TAFA1: variants seen among roughly 807,000 people sequenced by gnomAD.
TAFA1 encodes the protein chemokine-like protein TAFA-1.
In TAFA1, 4 loss-of-function variants were observed where a neutral mutation model predicts 18.5. That is an observed-to-expected ratio of 0.22 (90% CI 0.11 to 0.49). The LOEUF is 0.49. Ranked by LOEUF, TAFA1 falls within the 20% of genes least tolerant of loss-of-function variation. TAFA1 has a pLI of 0.98. For synonymous variants in TAFA1, 56 were observed against 55.2 expected, an observed-to-expected ratio of 1.01 and a Z score of -0.06; for missense variants, 147 against 169.0, an observed-to-expected ratio of 0.87 and a Z score of 0.72.
chr3:68,148,691 C>G (rs1288137462), intron 2 of TAFA1, among the ~76,000 whole-genome samples: 1 of 152,162 alleles, frequency 6.6e-6, no homozygotes, highest in African/African-American at 2.4e-5. Context: ...CCTCCTGATT[C>G]ATCCTCATCA....
chr3:68,490,816 C>A (rs1250486730), intron 3 of TAFA1, among the ~76,000 whole-genome samples: 2 of 150,692 alleles, frequency 1.3e-5, no homozygotes, highest in Admixed American at 1.3e-4. Context: ...TATTTAGAAT[C>A]CTCTACAATT....
intron 2 of TAFA1, among the ~76,000 whole-genome samples, chr3:68,191,266 C>T (rs1197740180): frequency 2.0e-5 from 3 of 151,786 alleles, no homozygotes; most frequent in East Asian, 3.9e-4. Flanking sequence ...GAATCCTCAA[C>T]AACAAGGCAA....
At chr3:68,069,298 G>A (rs1480026855) in intron 2 of TAFA1, among the ~76,000 whole-genome samples, 3 of 152,222 alleles carry the variant, frequency 2.0e-5, no homozygotes, top group African/African-American at 7.2e-5. Context: ...GGAGGAACAA[G>A]TCACATTTTA....
At chr3:68,410,861 G>C (rs2070702605) in intron 2 of TAFA1, among the ~76,000 whole-genome samples, 1 of 152,160 alleles carries the variant, frequency 6.6e-6, no homozygotes, top group Non-Finnish European at 1.5e-5. Flanking sequence ...CCAAGGAAAA[G>C]TCCGAAAGAT....
At chr3:68,370,494 A>ACACG (rs1270882699) in intron 2 of TAFA1, among the ~76,000 whole-genome samples, 10 of 81,246 alleles carry the variant, frequency 1.2e-4, no homozygotes, top group East Asian at 4.4e-4. Context: ...ATATATATAT[A>ACACG]TATATATATA....
rs1456213837 is a variant in TAFA1 at position 68,420,121 on chromosome 3, A to G, written c.259+2701A>G. ...TATTTGACTCAGTTTCTGTGTCTTA[A>G]TACATTATCTGAGAAGAAAAGATGT... On this transcript the variant is annotated intron_variant, in intron 3 of 4. Transcript: ENST00000478136. 2.0e-5 allele frequency among the ~76,000 whole-genome samples: 3 copies of G among 152,210 alleles called. No homozygotes were observed. In the East Asian group the frequency reaches 5.8e-4, roughly 29 times the overall value.
At chr3:68,075,457 A>G (rs188644895) in intron 2 of TAFA1, among the ~76,000 whole-genome samples, 2 of 152,218 alleles carry the variant, frequency 1.3e-5, no homozygotes, top group African/African-American at 4.8e-5. Context: ...CAGTGGAATT[A>G]TAATGAATTG....
intron 2 of TAFA1, among the ~76,000 whole-genome samples, chr3:68,167,271 A>G (rs2065993060): frequency 1.3e-5 from 2 of 152,214 alleles, no homozygotes; most frequent in South Asian, 2.1e-4. Context: ...CTGCTTCAGA[A>G]TCACTGCATA....
At chr3:68,253,014 T>G (rs922416605) in intron 2 of TAFA1, among the ~76,000 whole-genome samples, 38 of 152,262 alleles carry the variant, frequency 2.5e-4, no homozygotes, top group African/African-American at 8.7e-4. Flanking sequence ...TCCACCATGA[T>G]TGTGAGGCCT....
intron 3 of TAFA1, among the ~76,000 whole-genome samples, chr3:68,476,165 A>G (rs1266087661): frequency 6.6e-6 from 1 of 152,236 alleles, no homozygotes; most frequent in East Asian, 1.9e-4. Context: ...CAAAACTGAC[A>G]AATAGGATCT....
chr3:68,292,418 A>C (rs532178033), intron 2 of TAFA1, among the ~76,000 whole-genome samples: 10 of 113,358 alleles, frequency 8.8e-5, no homozygotes, highest in East Asian at 6.9e-4. Context: ...TGTCAAAAAA[A>C]AAAAACAAAA....
chr3:68,302,014 T>C (rs1270979953), intron 2 of TAFA1, among the ~76,000 whole-genome samples: 1 of 152,232 alleles, frequency 6.6e-6, no homozygotes, highest in Non-Finnish European at 1.5e-5. Flanking sequence ...TTTGTATTAA[T>C]TACTCATTTT....
At chr3:68,318,126 TTTGTC>T (rs1214332028) in intron 2 of TAFA1, among the ~76,000 whole-genome samples, 29 of 152,292 alleles carry the variant, frequency 1.9e-4, no homozygotes, top group African/African-American at 6.5e-4. Context: ...TGCCAACCAG[TTTGTC>T]AGTAAGATAG....
intron 2 of TAFA1, among the ~76,000 whole-genome samples, chr3:68,101,304 ATTT>A (rs201528733): frequency 0.034 from 5,096 of 151,044 alleles, 119 homozygotes; most frequent in Non-Finnish European, 0.054. Flanking sequence ...TATTTTTAAA[ATTT>A]TATTATTATT....
chr3:68,112,697 T>C (rs546996752), intron 2 of TAFA1, among the ~76,000 whole-genome samples: 1 of 152,204 alleles, frequency 6.6e-6, no homozygotes, highest in East Asian at 1.9e-4. Context: ...GATTGACAGA[T>C]GTTAAAATAA....
chr3:68,102,494 G>A (rs115072759), intron 2 of TAFA1, among the ~76,000 whole-genome samples: 33 of 152,158 alleles, frequency 2.2e-4, no homozygotes, highest in Non-Finnish European at 3.7e-4. Flanking sequence ...TGAATTAACC[G>A]TTAAAATGCA....
chr3:68,227,719 A>T (rs2107108351), intron 2 of TAFA1, among the ~76,000 whole-genome samples: 1 of 152,324 alleles, frequency 6.6e-6, no homozygotes, highest in African/African-American at 2.4e-5. Context: ...CTATGGTCAG[A>T]GATATTAACT....
chr3:68,438,342 G>C (rs1329797418), intron 3 of TAFA1, among the ~76,000 whole-genome samples: 1 of 152,146 alleles, frequency 6.6e-6, no homozygotes, highest in Non-Finnish European at 1.5e-5. Context: ...AGGAAACAGA[G>C]TGAGACCTTG....
At chr3:68,305,410 T>C (rs1198617669) in intron 2 of TAFA1, among the ~76,000 whole-genome samples, 3 of 5,162 alleles carry the variant, frequency 5.8e-4, no homozygotes, top group African/African-American at 1.1e-3. Context: ...ACTATATGAC[T>C]ATATATATAT....
Sources: gnomAD v4.1 joint callset for allele counts (sites outside exome capture counted in the v4.1 genomes callset) on GRCh38, gnomAD v4.1.1 for gene constraint, MANE v1.5 for transcripts, NCBI Gene and HGNC (gene_info 2026-07-23, HGNC 2026-07-21) for gene names.